MESD: variants seen among roughly 807,000 people sequenced by gnomAD.
MESD encodes the protein mesoderm development LRP chaperone.
In MESD, 7 loss-of-function variants were observed where a neutral mutation model predicts 12.9. The observed-to-expected ratio is 0.54, with a 90% CI of 0.31 to 1.02. The LOEUF (loss-of-function observed/expected upper bound fraction) is 1.02. MESD is among the 50% of genes least tolerant of loss of function. The pLI is 0.05. For missense variants in MESD, 342 were observed against 296.7 expected (o/e 1.15, Z -1.12); for synonymous variants, 126 against 115.6 (o/e 1.09, Z -0.58).
chr15:80,947,120 C>T (rs1901590974), downstream of MESD: 3 of 1,147,326 alleles, frequency 2.6e-6, no homozygotes, highest in Non-Finnish European at 3.9e-6. Flanking sequence ...AGGCAAATGC[C>T]TGGCATGGAG....
In MESD at chr15:80,989,549, G is replaced by A. The variant is rs571453051; in HGVS notation, c.213+30C>T. 23 of 1,604,238 alleles carry A rather than the reference G, an allele frequency of 1.4e-5. No homozygotes were observed. The South Asian group carries it at 2.1e-4, about 15-fold the overall frequency. On this transcript the variant is annotated intron_variant, in intron 1 of 2. Coordinates refer to ENST00000261758, the MANE Select transcript of MESD (RefSeq NM_015154.3). Reference sequence around the variant, plus strand: ...AGGGAACAGGGTCCCGCACAGAGAAGAGCCGGGAGGGTGTGCGCGCGCCGC... The same window carrying A: ...AGGGAACAGGGTCCCGCACAGAGAAAAGCCGGGAGGGTGTGCGCGCGCCGC...
chr15:80,973,981 T>C (rs548818061), downstream of MESD, among the ~76,000 whole-genome samples: 5 of 152,182 alleles, frequency 3.3e-5, no homozygotes, highest in East Asian at 1.9e-4. Context: ...TTTCCCTTCC[T>C]GAGGAAGGGA....
At position 80,980,583 on chromosome 15, in the gene MESD, A is replaced by C. The variant is rs561664228; in HGVS notation, c.447-1106T>G. Among the ~76,000 whole-genome samples the C allele has an allele frequency of 3.3e-5, 5 of 152,274 alleles. No individual in the cohort carries two copies. In the East Asian group the frequency reaches 9.7e-4, roughly 29 times the overall value. On this transcript the variant is annotated intron_variant, in intron 2 of 2. Coordinates refer to ENST00000261758, the MANE Select transcript of MESD (RefSeq NM_015154.3). Reference sequence around the variant, plus strand: ...CTAAGCTATACACCCTTCTGTTCAGATGAAATAAAAGCTAAAGATCCAAAG... The same window carrying C: ...CTAAGCTATACACCCTTCTGTTCAGCTGAAATAAAAGCTAAAGATCCAAAG...
chr15:80,948,939 C>G (rs756437385), intron 4 of MESD: 1 of 1,614,112 alleles, frequency 6.2e-7, no homozygotes. Context: ...AGCTGCCGCC[C>G]GGTGCCACCT....
intron 1 of MESD, among the ~76,000 whole-genome samples, chr15:80,988,679 G>C (rs948793102): frequency 1.3e-5 from 2 of 152,190 alleles, no homozygotes; most frequent in Non-Finnish European, 2.9e-5. Context: ...AACACACACA[G>C]AGATAATCAC....
At chr15:80,954,948 T>A (rs868698019) in intron 3 of MESD, among the ~76,000 whole-genome samples, 1 of 152,174 alleles carries the variant, frequency 6.6e-6, no homozygotes, top group African/African-American at 2.4e-5. Flanking sequence ...AAAGATTGGA[T>A]GCCTGTGCTC....
At chr15:80,975,289 G>A (rs144165540), downstream of MESD, among the ~76,000 whole-genome samples, 160 of 152,134 alleles carry the variant, frequency 1.1e-3, no homozygotes, top group African/African-American at 3.8e-3. Context: ...GGAGGCTGAG[G>A]CAAGAGGATG....
chr15:80,955,616 C>CGTGTGTGTGTGTGTGTGTGTGT (rs536028552), intron 3 of MESD, among the ~76,000 whole-genome samples: 4 of 144,964 alleles, frequency 2.8e-5, no homozygotes, highest in Admixed American at 1.4e-4. Flanking sequence ...TGTGTTTGTG[C>CGTGTGTGTGTGTGTGTGTGTGT]GTGTGTGTGT....
At position 80,979,429 on chromosome 15, in the gene MESD, G is replaced by C. The variant is rs748803320; in HGVS notation, c.495C>G (p.Ser165Arg). ...DRAIFMLRDG[S>R]YAWEIKDFLV... ...AAAAGTCCTTGATCTCCCAGGCGTA[G>C]CTCCCATCGCGAAGCATGAAGATAG... The change falls in exon 3 of 3, where the codon AGC becomes AGG. Residue 165 changes from serine to arginine, a missense_variant. Ser to Arg is a moderately radical substitution (Grantham distance 110). Coordinates refer to ENST00000261758, the MANE Select transcript of MESD (RefSeq NM_015154.3). The C allele has an allele frequency of 8.6e-5, 139 of 1,614,048 alleles. No individual in the cohort carries two copies. The highest frequency in any genetic ancestry group is 1.2e-4 in the Non-Finnish European group (136 of 1,180,046).
At chr15:80,962,708 A>C (rs1902109212) in intron 3 of MESD, among the ~76,000 whole-genome samples, 2 of 152,240 alleles carry the variant, frequency 1.3e-5, no homozygotes, top group Admixed American at 1.3e-4. Context: ...AACTACATGG[A>C]AACTGAACAA....
chr15:80,946,876 C>G (rs917080634), downstream of MESD: 3 of 847,686 alleles, frequency 3.5e-6, no homozygotes, highest in Non-Finnish European at 6.0e-6. Flanking sequence ...TAACTCCAGT[C>G]CCACCATGCA....
intron 4 of MESD, chr15:80,949,329 G>T (rs572936467): frequency 3.0e-6 from 1 of 330,696 alleles, no homozygotes; most frequent in East Asian, 7.6e-5. Context: ...GATCCCCATG[G>T]TCTTCAGCAG....
At chr15:80,975,538 A>C (rs889523192), downstream of MESD, among the ~76,000 whole-genome samples, 1 of 152,150 alleles carries the variant, frequency 6.6e-6, no homozygotes, top group Non-Finnish European at 1.5e-5. Flanking sequence ...AAACACTATT[A>C]AACAATAATC....
rs1210403614 is a variant in MESD at position 80,979,085 on chromosome 15, T to C, written c.*134A>G. 9.6e-6 allele frequency: 12 copies of C among 1,250,016 alleles called. No individual in the cohort carries two copies. Among genetic ancestry groups the C allele is most frequent in the Admixed American group, 6.9e-5 (3 of 43,424 alleles). 77.4% of individuals were successfully genotyped at this position (1,250,016 alleles called of 1,614,324 possible). A position where few individuals can be genotyped will look rare whatever the true frequency, so the allele number is the denominator to read the frequency against. On this transcript the variant is annotated 3_prime_UTR_variant, in exon 3 of 3. Coordinates refer to ENST00000261758, the MANE Select transcript of MESD (RefSeq NM_015154.3). ...TAATTCTTTGACCACAAACTGGTCATGTGGCAGACCCTTTCTAGAAGACAC... is the reference window on the plus strand; with the variant it reads ...TAATTCTTTGACCACAAACTGGTCACGTGGCAGACCCTTTCTAGAAGACAC...
At chr15:80,948,911 A>T (rs776476955) in intron 4 of MESD, 5 of 1,614,226 alleles carry the variant, frequency 3.1e-6, no homozygotes, top group Non-Finnish European at 4.2e-6. Context: ...GTGGTGAAGA[A>T]GAAGAAGTTG....
rs1902495824 is a variant in MESD at position 80,978,941 on chromosome 15, T to C, written c.*278A>G. ...GAGTTGATGACTCACCAAGTGTAAA[T>C]GGGAAAAAGCAACACAGTCACATTT... On this transcript the variant is annotated 3_prime_UTR_variant, in exon 3 of 3. Coordinates refer to ENST00000261758, the MANE Select transcript of MESD (RefSeq NM_015154.3). The C allele has an allele frequency of 2.1e-6, 1 of 471,854 alleles. No homozygotes were observed. Among genetic ancestry groups the C allele is most frequent in the Non-Finnish European group, 3.8e-6 (1 of 265,878 alleles). 29.2% of individuals were successfully genotyped at this position (471,854 alleles called of 1,614,324 possible). A position where few individuals can be genotyped will look rare whatever the true frequency, so the allele number is the denominator to read the frequency against.
At chr15:80,980,244 T>C (rs964949806) in intron 2 of MESD, among the ~76,000 whole-genome samples, 1 of 152,224 alleles carries the variant, frequency 6.6e-6, no homozygotes, top group Non-Finnish European at 1.5e-5. Context: ...ATTGAAAATA[T>C]TTTGCTGGCC....
At position 80,989,281 on chromosome 15, in the gene MESD, G is replaced by A. The variant is rs571616794; in HGVS notation, c.213+298C>T. 1.9e-4 allele frequency among the ~76,000 whole-genome samples: 29 copies of A among 152,302 alleles called. 1 individual carries two copies. In the South Asian group the frequency reaches 5.6e-3, roughly 29 times the overall value. ...ACGCAAAGACAACCAGGGCACTGAAGGGTGAAGGGAGAGCAAAGCTGAACA... is the reference window on the plus strand; with the variant it reads ...ACGCAAAGACAACCAGGGCACTGAAAGGTGAAGGGAGAGCAAAGCTGAACA... On this transcript the variant is annotated intron_variant, in intron 1 of 2. Coordinates refer to ENST00000261758, the MANE Select transcript of MESD (RefSeq NM_015154.3).
intron 2 of MESD, among the ~76,000 whole-genome samples, chr15:80,981,682 C>T (rs1902583194): frequency 6.6e-6 from 1 of 151,752 alleles, no homozygotes; most frequent in Non-Finnish European, 1.5e-5. Context: ...ATGGTGAAAC[C>T]CTGTCTCTAC....
Sources: allele counts gnomAD v4.1 joint callset (sites outside exome capture counted in the v4.1 genomes callset), GRCh38; gene constraint gnomAD v4.1.1; transcripts MANE v1.5; gene names NCBI Gene and HGNC (gene_info 2026-07-23, HGNC 2026-07-21).